NKAIN2: variants seen among roughly 807,000 people sequenced by gnomAD.
NKAIN2 encodes the protein sodium/potassium-transporting ATPase subunit beta-1-interacting protein 2.
NKAIN2 carries 14 observed loss-of-function variants against 32.6 expected under a neutral mutation model. The ratio of observed to expected loss-of-function variants is 0.43; its 90% CI spans 0.28 to 0.67. NKAIN2 has a LOEUF of 0.67. NKAIN2 is among the 30% of genes least tolerant of loss of function. NKAIN2 has a pLI of 0.17. For synonymous variants in NKAIN2, 80 were observed against 87.2 expected (o/e 0.92, Z 0.46); for missense variants, 198 against 258.3 (o/e 0.77, Z 1.60).
chr6:124,561,872 A>C (rs1780708345), intron 3 of NKAIN2, among the ~76,000 whole-genome samples: 1 of 152,226 alleles, frequency 6.6e-6, no homozygotes, highest in Non-Finnish European at 1.5e-5. Flanking sequence ...GATAGCAGTC[A>C]ACAAATGCAT....
intron 1 of NKAIN2, among the ~76,000 whole-genome samples, chr6:123,953,102 C>T: frequency 6.6e-6 from 1 of 152,106 alleles, no homozygotes; most frequent in Non-Finnish European, 1.5e-5. Flanking sequence ...ATTCTGGGTG[C>T]ATGCAGTAGT....
At chr6:124,728,884 C>T (rs1373939336) in intron 4 of NKAIN2, among the ~76,000 whole-genome samples, 5 of 150,964 alleles carry the variant, frequency 3.3e-5, no homozygotes, top group Admixed American at 6.6e-5. Flanking sequence ...ATATCACCAC[C>T]GATCCCACAG....
intron 4 of NKAIN2, among the ~76,000 whole-genome samples, chr6:124,754,938 T>C (rs914760164): frequency 6.6e-6 from 1 of 152,092 alleles, no homozygotes; most frequent in African/African-American, 2.4e-5. Flanking sequence ...TTCACTGTAA[T>C]AGTTAAGATT....
At chr6:124,552,128 A>G (rs1027392937) in intron 3 of NKAIN2, among the ~76,000 whole-genome samples, 16 of 152,212 alleles carry the variant, frequency 1.1e-4, no homozygotes, top group Non-Finnish European at 5.9e-5. Context: ...TCTAAACAAG[A>G]CATTCCTTGA....
intron 6 of NKAIN2, chr6:124,819,146 T>C: frequency 1.0e-6 from 1 of 964,102 alleles, no homozygotes; most frequent in Non-Finnish European, 1.2e-6. Flanking sequence ...AGTGATATGC[T>C]GAATTGCAAG....
At chr6:124,082,881 A>C (rs1384515627) in intron 1 of NKAIN2, among the ~76,000 whole-genome samples, 1 of 152,044 alleles carries the variant, frequency 6.6e-6, no homozygotes, top group African/African-American at 2.4e-5. Flanking sequence ...CCATATTAAC[A>C]AGCAGTGTAG....
intron 1 of NKAIN2, among the ~76,000 whole-genome samples, chr6:124,190,225 T>C (rs1789948914): frequency 6.6e-6 from 1 of 152,220 alleles, no homozygotes; most frequent in Non-Finnish European, 1.5e-5. Context: ...GTTTCTTTAC[T>C]TGTAGAGTAG....
chr6:124,318,427 AT>A (rs952311667), intron 2 of NKAIN2, among the ~76,000 whole-genome samples: 1 of 151,884 alleles, frequency 6.6e-6, no homozygotes, highest in Non-Finnish European at 1.5e-5. Flanking sequence ...TTTTAGCAGC[AT>A]TTTTATCATC....
chr6:124,054,317 G>A (rs559432583), intron 1 of NKAIN2, among the ~76,000 whole-genome samples: 1 of 152,162 alleles, frequency 6.6e-6, no homozygotes, highest in Admixed American at 6.6e-5. Context: ...TGTAAAATAG[G>A]ACAGAGTAGG....
chr6:124,786,122 TG>T (rs1294012457), intron 4 of NKAIN2, among the ~76,000 whole-genome samples: 4 of 152,102 alleles, frequency 2.6e-5, no homozygotes, highest in Non-Finnish European at 4.4e-5. Flanking sequence ...AAGGGTTTAC[TG>T]GGGCTTTTAA....
At chr6:123,948,653 T>C (rs150590327) in intron 1 of NKAIN2, among the ~76,000 whole-genome samples, 93 of 146,026 alleles carry the variant, frequency 6.4e-4, no homozygotes, top group Middle Eastern at 3.5e-3. Context: ...TTGTGTATTC[T>C]GGATATTAGT....
intron 3 of NKAIN2, among the ~76,000 whole-genome samples, chr6:124,474,167 A>G (rs940764640): frequency 6.6e-6 from 1 of 151,924 alleles, no homozygotes; most frequent in African/African-American, 2.4e-5. Flanking sequence ...CAGTGGTATG[A>G]TCATAATCTT....
intron 1 of NKAIN2, among the ~76,000 whole-genome samples, chr6:124,137,100 T>TA (rs755550473): frequency 6.6e-5 from 10 of 152,074 alleles, no homozygotes; most frequent in African/African-American, 2.2e-4. Context: ...ATTGTATACT[T>TA]AAAAAATCCT....
intron 1 of NKAIN2, among the ~76,000 whole-genome samples, chr6:124,269,931 G>A (rs949229996): frequency 1.3e-5 from 2 of 152,122 alleles, no homozygotes; most frequent in African/African-American, 2.4e-5. Context: ...TGAATTTTAC[G>A]AAAGAGACGT....
chr6:123,968,048 A>G (rs2114628978), intron 1 of NKAIN2, among the ~76,000 whole-genome samples: 1 of 152,336 alleles, frequency 6.6e-6, no homozygotes, highest in South Asian at 2.1e-4. Context: ...AAGCAGCCAC[A>G]GAAGGCAGCA....
At chr6:124,064,873 T>G (rs1582566637) in intron 1 of NKAIN2, among the ~76,000 whole-genome samples, 1 of 152,292 alleles carries the variant, frequency 6.6e-6, no homozygotes, top group East Asian at 1.9e-4. Flanking sequence ...CTGTTGCACC[T>G]GTGACTTTGG....
chr6:123,876,348 T>C (rs1288977708), intron 1 of NKAIN2, among the ~76,000 whole-genome samples: 1 of 152,200 alleles, frequency 6.6e-6, no homozygotes, highest in Non-Finnish European at 1.5e-5. Flanking sequence ...GATTATAAGT[T>C]GATTTTTGCT....
intron 2 of NKAIN2, among the ~76,000 whole-genome samples, chr6:124,323,327 T>C (rs1158214999): frequency 6.6e-6 from 1 of 152,218 alleles, no homozygotes; most frequent in Non-Finnish European, 1.5e-5. Flanking sequence ...GTTTTTGGTG[T>C]CATCTAAGAA....
chr6:124,355,773 G>C (rs567626680), intron 3 of NKAIN2, among the ~76,000 whole-genome samples: 1 of 152,048 alleles, frequency 6.6e-6, no homozygotes, highest in Non-Finnish European at 1.5e-5. Flanking sequence ...GAATGAAATT[G>C]TTACTAGAGG....
Sources: allele counts gnomAD v4.1 joint callset (sites outside exome capture counted in the v4.1 genomes callset), GRCh38; gene constraint gnomAD v4.1.1; transcripts MANE v1.5; gene names NCBI Gene and HGNC (gene_info 2026-07-23, HGNC 2026-07-21).